WDFY4: variants seen among roughly 807,000 people sequenced by gnomAD.
The protein encoded by WDFY4 is WD repeat- and FYVE domain-containing protein 4.
In WDFY4, 169 loss-of-function variants were observed where a neutral mutation model predicts 351.9. The observed-to-expected ratio is 0.48, with a 90% confidence interval of 0.42 to 0.55. The LOEUF (loss-of-function observed/expected upper bound fraction) is 0.55, where lower values mean the gene tolerates loss of function less well. Among genes scored for constraint, WDFY4 ranks in the 20% least tolerant of loss-of-function variants. WDFY4 has a pLI of 0.00. For missense variants in WDFY4, 3,803 were observed against 3,935.6 expected (o/e 0.97, Z 0.90); for synonymous variants, 1,622 against 1,574.6 (o/e 1.03, Z -0.71).
chr10:48,734,407 G>T (rs1237605915), intron 10 of WDFY4, among the ~76,000 whole-genome samples: 1 of 151,922 alleles, frequency 6.6e-6, no homozygotes, highest in Non-Finnish European at 1.5e-5. Context: ...CCATTTTAAA[G>T]AAATGCAATT....
intron 12 of WDFY4, among the ~76,000 whole-genome samples, chr10:48,759,705 G>A (rs2065443194): frequency 6.6e-6 from 1 of 152,150 alleles, no homozygotes; most frequent in South Asian, 2.1e-4. Context: ...ACTTCTCTTG[G>A]AGCTCTTTCC....
chr10:48,852,248 C>T (rs1284888106), intron 39 of WDFY4, among the ~76,000 whole-genome samples: 1 of 152,178 alleles, frequency 6.6e-6, no homozygotes, highest in Admixed American at 6.5e-5. Context: ...GAGAAAGACG[C>T]CCATAGTGAC....
rs11101544 is a variant in WDFY4, at chr10:48,875,259, C to T, written c.7000+119C>T. ...GAGGAAAATGCTATTGTAGCCAGCC[C>T]TGGGACTTATTGTTACTGCACTTCC... is the stretch of plus-strand genomic sequence containing the variant. On this transcript the variant is annotated intron_variant, in intron 42 of 61. Coordinates refer to ENST00000325239, the MANE Select transcript of WDFY4 (RefSeq NM_001394531.1). 9.0e-3 allele frequency: 4,571 copies of T among 505,646 alleles called. 185 individuals are homozygous for T. The highest frequency in any genetic ancestry group is 0.084 in the African/African-American group (4,150 of 49,276). The allele number at this position is 505,646 out of a possible 1,614,324, so 31.3% of individuals were successfully genotyped here. A position where few individuals can be genotyped will look rare whatever the true frequency, so the allele number is the denominator to read the frequency against.
intron 57 of WDFY4, among the ~76,000 whole-genome samples, chr10:48,974,533 C>CAAAAAA (rs1174024738): frequency 1.6e-4 from 3 of 18,926 alleles, no homozygotes; most frequent in Non-Finnish European, 3.4e-4. Flanking sequence ...AAAAAAACAA[C>CAAAAAA]TCATGACATG....
At chr10:48,951,437 C>A (rs541716103) in intron 51 of WDFY4, among the ~76,000 whole-genome samples, 1 of 152,052 alleles carries the variant, frequency 6.6e-6, no homozygotes, top group Non-Finnish European at 1.5e-5. Flanking sequence ...TTTTTTGAGA[C>A]ATGGTCTTGC....
chr10:48,976,066 G>A (rs561609663), intron 58 of WDFY4, among the ~76,000 whole-genome samples: 33 of 152,282 alleles, frequency 2.2e-4, no homozygotes, highest in African/African-American at 6.3e-4. Context: ...TGGTTGTGGG[G>A]CAGAGAGGTA....
intron 39 of WDFY4, among the ~76,000 whole-genome samples, chr10:48,845,387 A>G (rs1446176091): frequency 1.3e-5 from 2 of 152,186 alleles, no homozygotes; most frequent in Non-Finnish European, 2.9e-5. Context: ...GCCAGGGAAT[A>G]CTGATGAAAA....
intron 11 of WDFY4, among the ~76,000 whole-genome samples, chr10:48,738,306 C>G (rs2064739149): frequency 1.3e-5 from 2 of 152,184 alleles, no homozygotes; most frequent in African/African-American, 4.8e-5. Context: ...GAGTGTCAGC[C>G]CTTGGGCAAT....
intron 13 of WDFY4, among the ~76,000 whole-genome samples, chr10:48,773,905 G>A (rs572259415): frequency 2.6e-5 from 4 of 152,224 alleles, no homozygotes; most frequent in Non-Finnish European, 4.4e-5. Context: ...CCGGGGGTGC[G>A]AACTCCAACA....
chr10:48,704,986 T>G (rs1205465866), intron 1 of WDFY4, among the ~76,000 whole-genome samples: 2 of 152,198 alleles, frequency 1.3e-5, no homozygotes, highest in Non-Finnish European at 2.9e-5. Flanking sequence ...TCATCCCCAC[T>G]TTACAAATGA....
At chr10:48,954,542 TG>T (rs1283915369) in intron 51 of WDFY4, among the ~76,000 whole-genome samples, 1 of 152,240 alleles carries the variant, frequency 6.6e-6, no homozygotes, top group Non-Finnish European at 1.5e-5. Flanking sequence ...AAACCTTGAC[TG>T]GGTCTCTCTG....
chr10:48,870,556 GAA>G (rs201718745), intron 40 of WDFY4, among the ~76,000 whole-genome samples: 14,551 of 122,820 alleles, frequency 0.12, 866 homozygotes, highest in Middle Eastern at 0.24. Flanking sequence ...CCTTGTCTCT[GAA>G]AAAAAAAAAA....
chr10:48,778,896 G>A (rs2066126001), intron 18 of WDFY4, 64 bp downstream of exon 18: 2 of 1,514,224 alleles, frequency 1.3e-6, no homozygotes, highest in Non-Finnish European at 1.8e-6. Context: ...TAAGTCAGAA[G>A]CTCTCAACAC....
intron 57 of WDFY4, among the ~76,000 whole-genome samples, chr10:48,973,589 T>C (rs1158436867): frequency 2.6e-5 from 4 of 152,220 alleles, no homozygotes; most frequent in African/African-American, 9.6e-5. Flanking sequence ...GAATGCCACC[T>C]CCGTGCCCCT....
intron 58 of WDFY4, chr10:48,976,535 G>A (rs956155135): frequency 3.8e-6 from 1 of 262,916 alleles, no homozygotes; most frequent in Non-Finnish European, 7.2e-6. Context: ...TCTGGGAGGA[G>A]CCTGAGGGTG....
Position 48,941,854 on chromosome 10 carries a change from G to A in WDFY4, c.7629+6G>A. On this transcript the variant is annotated splice_donor_region_variant and intron_variant, in intron 48 of 61. Transcript: ENST00000325239. ...TCATGCTGCAGAAGTGGCAGGTACA[G>A]TAGCTCCTCCAGAGGGAAGCCCTCT... 1 of 1,551,746 alleles carries A rather than the reference G, an allele frequency of 6.4e-7. No individual in the cohort carries two copies. Among genetic ancestry groups the A allele is most frequent in the South Asian group, 1.2e-5 (1 of 84,056 alleles).
intron 40 of WDFY4, 33 bp from the exon 41 acceptor site, chr10:48,873,458 T>A (rs2069863922): frequency 2.0e-6 from 3 of 1,508,408 alleles, no homozygotes; most frequent in Non-Finnish European, 2.7e-6. Flanking sequence ...ATAAGGCAAA[T>A]GTATCCAGGG....
At chr10:48,770,196 G>T (rs567887619) in intron 13 of WDFY4, among the ~76,000 whole-genome samples, 38 of 152,298 alleles carry the variant, frequency 2.5e-4, no homozygotes, top group African/African-American at 8.4e-4. Flanking sequence ...CCATTACGGG[G>T]TATTGAGCAA....
chr10:48,828,870 G>A lies in WDFY4; in HGVS notation c.6314G>A (p.Arg2105Lys). 1 of 1,367,112 alleles carries A rather than the reference G, an allele frequency of 7.3e-7. No individual in the cohort carries two copies. The highest frequency in any genetic ancestry group is 9.6e-7 in the Non-Finnish European group (1 of 1,038,160). 84.7% of individuals were successfully genotyped at this position (1,367,112 alleles called of 1,614,324 possible). Residue 2105 changes from arginine (R) to lysine (K), a missense_variant, in exon 37 of 62, where the codon AGA (arginine) becomes AAA (lysine). By Grantham distance (26) the Arg-to-Lys change is conservative. Around this residue, in one of 3 missense-constraint regions of WDFY4, gnomAD observed 3,054 missense variants for 3,148.6 expected, o/e 0.97. Transcript: ENST00000325239. ...LSPNEDVKEK[R>K]EDLPSLSDVQ... ...CCAAATGAAGACGTGAAAGAAAAAAGAGAAGACTTACCAAGTTTGAGTGAT... is the reference window on the plus strand; with the variant it reads ...CCAAATGAAGACGTGAAAGAAAAAAAAGAAGACTTACCAAGTTTGAGTGAT...
Sources: allele counts gnomAD v4.1 joint callset (sites outside exome capture counted in the v4.1 genomes callset), GRCh38; gene constraint gnomAD v4.1.1; regional missense constraint gnomAD v4.1.1; transcripts MANE v1.5; gene names NCBI Gene and HGNC (gene_info 2026-07-23, HGNC 2026-07-21).